Variants in PCDHGC4 observed in about 807,000 individuals in gnomAD.
The protein encoded by PCDHGC4 is protocadherin gamma subfamily C, 4.
A neutral mutation model predicts 59.7 loss-of-function variants in PCDHGC4; 15 were observed. The observed-to-expected ratio is 0.25, with a 90% confidence interval of 0.17 to 0.39. PCDHGC4 has a LOEUF of 0.39. Among genes scored for constraint, PCDHGC4 ranks in the 10% least tolerant of loss-of-function variants. The probability of loss-of-function intolerance (pLI) is 1.00; values close to 1 mark genes in which losing one functional copy is unlikely to be tolerated. For synonymous variants in PCDHGC4, 434 were observed against 481.4 expected, an observed-to-expected ratio of 0.90 and a Z score of 1.29; for missense variants, 1,016 against 1,189.5, an observed-to-expected ratio of 0.85 and a Z score of 2.15.
At position 141,511,247 on chromosome 5, in the gene PCDHGC4, C is replaced by A; in HGVS notation, c.*74C>A. The A allele has an allele frequency of 1.3e-6, 2 of 1,577,162 alleles. No individual in the cohort carries two copies. The highest frequency in any genetic ancestry group is 1.7e-6 in the Non-Finnish European group (2 of 1,161,712). On this transcript the variant is annotated 3_prime_UTR_variant, in exon 4 of 4. Transcript: ENST00000306593. Reference sequence around the variant, plus strand: ...CAGCTTCTCCTTACCTGCACCCAGGCCTCAGAGTTTCAGGGCTAACCCCCA... The same window carrying A: ...CAGCTTCTCCTTACCTGCACCCAGGACTCAGAGTTTCAGGGCTAACCCCCA...
rs1314264090 is a variant in PCDHGC4, at chr5:141,490,459, C to T, written c.2442+2844C>T. 7 of 1,614,100 alleles carry T rather than the reference C, an allele frequency of 4.3e-6. No homozygotes were observed. Among genetic ancestry groups the T allele is most frequent in the Non-Finnish European group, 5.9e-6 (7 of 1,180,040 alleles). ...GCCTTCTGAGAACCACTACTCGCTG[C>T]TAACCAGCCAGCCTTTGGACCGGGA... On this transcript the variant is annotated intron_variant, in intron 1 of 3. Coordinates refer to ENST00000306593, the MANE Select transcript of PCDHGC4 (RefSeq NM_018928.3). The surrounding 1 kb of genome is among the most constrained non-coding windows in gnomAD (Gnocchi z 5.4).
chr5:141,489,775 T>C lies in PCDHGC4; in HGVS notation c.2442+2160T>C, dbSNP rs748163008. The C allele has an allele frequency of 6.2e-7, 1 of 1,614,110 alleles. No homozygotes were observed. The highest frequency in any genetic ancestry group is 8.5e-7 in the Non-Finnish European group (1 of 1,179,986). Reference sequence around the variant, plus strand: ...CACTCTAAGCCCCAACAGCCACTTCTCTCTGAATGTGAAGACCCTAAAAGA... The same window carrying C: ...CACTCTAAGCCCCAACAGCCACTTCCCTCTGAATGTGAAGACCCTAAAAGA... On this transcript the variant is annotated intron_variant, in intron 1 of 3. Coordinates refer to ENST00000306593, the MANE Select transcript of PCDHGC4 (RefSeq NM_018928.3). This position sits in a 1 kb window ranked among gnomAD's most constrained non-coding sequence, Gnocchi z 4.5.
At chr5:141,496,888 T>TAA (rs35063790) in intron 2 of PCDHGC4, among the ~76,000 whole-genome samples, 141 of 134,106 alleles carry the variant, frequency 1.1e-3, no homozygotes, top group East Asian at 2.4e-3. Context: ...AAGTAACACT[T>TAA]AAAAAAAAAA....
chr5:141,503,075 G>A (rs1373753092), intron 2 of PCDHGC4, among the ~76,000 whole-genome samples: 1 of 151,438 alleles, frequency 6.6e-6, no homozygotes, highest in African/African-American at 2.4e-5. Context: ...GAATGGTCTC[G>A]ATCTCCTGAC....
intron 2 of PCDHGC4, among the ~76,000 whole-genome samples, chr5:141,504,451 G>A (rs2099838355): frequency 1.3e-5 from 2 of 152,070 alleles, no homozygotes; most frequent in South Asian, 4.2e-4. Context: ...CTAGTGCCAT[G>A]TGGGGCAGCC....
At chr5:141,498,419 G>A (rs78940285) in intron 2 of PCDHGC4, among the ~76,000 whole-genome samples, 4,023 of 152,260 alleles carry the variant, frequency 0.026, 75 homozygotes, top group Non-Finnish European at 0.043. Flanking sequence ...TGCTGGCACT[G>A]GAGTGAGGGG....
intron 2 of PCDHGC4, among the ~76,000 whole-genome samples, chr5:141,497,879 G>A (rs62379207): frequency 4.6e-4 from 70 of 152,244 alleles, no homozygotes; most frequent in Non-Finnish European, 8.2e-4. Flanking sequence ...TGAAATAAGC[G>A]TTAGGATCTA....
In PCDHGC4 at chr5:141,485,869, G is replaced by A; in HGVS notation, c.696G>A (p.Val232=). The change falls in exon 1 of 4, where the codon GTG becomes GTA. Residue 232 remains valine, a synonymous_variant. Coordinates refer to ENST00000306593, the MANE Select transcript of PCDHGC4 (RefSeq NM_018928.3). The surrounding 1 kb of genome is among the most constrained non-coding windows in gnomAD (Gnocchi z 5.7). ...RSGTAELRVS[V]LDVNDNAPAF... ...GCACCGCAGAGCTCCGGGTATCCGT[G>A]CTGGACGTAAACGACAACGCCCCAG... is the stretch of plus-strand genomic sequence containing the variant. 1 of 1,614,176 alleles carries A rather than the reference G, an allele frequency of 6.2e-7. No individual in the cohort carries two copies. The highest frequency in any genetic ancestry group is 8.5e-7 in the Non-Finnish European group (1 of 1,180,040).
In PCDHGC4 at chr5:141,487,906, AGCACAGGAGGCTACAGT is replaced by A. The variant is rs2099668744; in HGVS notation, c.2442+299_2442+315del. ...TGGAAGCATGATGATGGAATGTGGG[AGCACAGGAGGCTACAGT>A]GCACAGGGTACAGTGCACCAGGCAG... On this transcript the variant is annotated intron_variant, in intron 1 of 3. Coordinates refer to ENST00000306593, the MANE Select transcript of PCDHGC4 (RefSeq NM_018928.3). The surrounding 1 kb of genome is among the most constrained non-coding windows in gnomAD (Gnocchi z 5.0). The A allele has an allele frequency of 8.7e-6, 6 of 686,524 alleles. No homozygotes were observed. The East Asian group carries it at 1.6e-4, about 19-fold the overall frequency. The allele number at this position is 686,524 out of a possible 1,614,324, so 42.5% of individuals were successfully genotyped here.
At chr5:141,494,522 G>C (rs2099754911) in intron 1 of PCDHGC4, among the ~76,000 whole-genome samples, 1 of 152,196 alleles carries the variant, frequency 6.6e-6, no homozygotes, top group Non-Finnish European at 1.5e-5. Flanking sequence ...CAGGAGTTCT[G>C]ACTCTGGGGG....
chr5:141,510,291 A>AG (rs903726285), intron 3 of PCDHGC4, among the ~76,000 whole-genome samples: 1 of 150,450 alleles, frequency 6.6e-6, no homozygotes, highest in African/African-American at 2.4e-5. Context: ...AAAAAAAAAA[A>AG]TGCTGTTTTG....
At position 141,486,415 on chromosome 5, in the gene PCDHGC4, T is replaced by C. The variant is rs745877804; in HGVS notation, c.1242T>C (p.Asp414=). Residue 414 remains aspartate, a synonymous_variant, in exon 1 of 4, where the codon GAT becomes GAC. Transcript: ENST00000306593. The surrounding 1 kb of genome is among the most constrained non-coding windows in gnomAD (Gnocchi z 5.0). ...CCCTGGTGACTGCTGGACCCTTGGA[T>C]CGAGAGGCCAAATCTAGCTATGACA... ...QFSLVTAGPL[D]REAKSSYDIM... 6.2e-7 allele frequency: 1 copy of C among 1,614,176 alleles called. No individual in the cohort carries two copies. The highest frequency in any genetic ancestry group is 8.5e-7 in the Non-Finnish European group (1 of 1,180,022).
At chr5:141,496,310 A>G (rs1446146598) in intron 2 of PCDHGC4, among the ~76,000 whole-genome samples, 1 of 152,218 alleles carries the variant, frequency 6.6e-6, no homozygotes, top group East Asian at 1.9e-4. Context: ...GCTCTGCGCC[A>G]GGCCTCCCAG....
chr5:141,485,961 A>G lies in PCDHGC4; in HGVS notation c.788A>G (p.Gln263Arg). Reference sequence around the variant, plus strand: ...GCACCAGCGGGCATGGTGCTCATCCAGCTCAATGCCTCAGACCCGGACCTG... The same window carrying G: ...GCACCAGCGGGCATGGTGCTCATCCGGCTCAATGCCTCAGACCCGGACCTG... The part of the protein sequence containing the change: ...ESAPAGMVLI[Q>R]LNASDPDLGP... Residue 263 changes from glutamine to arginine, a missense_variant, in exon 1 of 4, where the codon CAG (glutamine) becomes CGG (arginine). Physicochemically the swap from Gln to Arg is conservative, Grantham distance 43. Coordinates refer to ENST00000306593, the MANE Select transcript of PCDHGC4 (RefSeq NM_018928.3). This position sits in a 1 kb window ranked among gnomAD's most constrained non-coding sequence, Gnocchi z 5.7. 1 of 1,614,204 alleles carries G rather than the reference A, an allele frequency of 6.2e-7. No individual in the cohort carries two copies. Among genetic ancestry groups the G allele is most frequent in the Non-Finnish European group, 8.5e-7 (1 of 1,180,028 alleles).
Position 141,511,303 on chromosome 5 carries a change from C to T in PCDHGC4, c.*130C>T, listed in dbSNP as rs2099883709. 2.7e-6 allele frequency: 4 copies of T among 1,490,160 alleles called. No homozygotes were observed. Among genetic ancestry groups the T allele is most frequent in the Non-Finnish European group, 3.6e-6 (4 of 1,116,196 alleles). 92.3% of individuals were successfully genotyped at this position (1,490,160 alleles called of 1,614,324 possible). ...CTGGTAGGGGCCAAGGCCATGCTCC[C>T]CTTGGGAAACAGAAACAAGTGCCCA... On this transcript the variant is annotated 3_prime_UTR_variant, in exon 4 of 4. Coordinates refer to ENST00000306593, the MANE Select transcript of PCDHGC4 (RefSeq NM_018928.3).
chr5:141,492,458 G>A (rs1333043781), intron 1 of PCDHGC4, among the ~76,000 whole-genome samples: 1 of 152,230 alleles, frequency 6.6e-6, no homozygotes, highest in Non-Finnish European at 1.5e-5. Flanking sequence ...GTGCGCGCCT[G>A]AGGGTCCCAG....
At chr5:141,505,151 G>T (rs2099844154) in intron 2 of PCDHGC4, among the ~76,000 whole-genome samples, 1 of 152,164 alleles carries the variant, frequency 6.6e-6, no homozygotes, top group Non-Finnish European at 1.5e-5. Context: ...GACAGAGTAA[G>T]ACCCTGTCTA....
rs141958687 is a variant in PCDHGC4 at position 141,509,744 on chromosome 5, G to A, written c.2591-1203G>A. 3.3e-3 allele frequency among the ~76,000 whole-genome samples: 509 copies of A among 152,266 alleles called. 3 individuals are homozygous for A. The highest frequency in any genetic ancestry group is 5.5e-3 in the Non-Finnish European group (372 of 68,024). On this transcript the variant is annotated intron_variant, in intron 3 of 3. Coordinates refer to ENST00000306593, the MANE Select transcript of PCDHGC4 (RefSeq NM_018928.3). ...CACCTAGCTGTGGCACTCTGAGCCT[G>A]TGCCTAAAGTGTCCCTGAGATGTCT...
chr5:141,499,635 A>C (rs578081078), intron 2 of PCDHGC4, among the ~76,000 whole-genome samples: 16 of 152,136 alleles, frequency 1.1e-4, no homozygotes, highest in African/African-American at 3.6e-4. Context: ...CTTTTGAAGC[A>C]AATCTCAGAC....
Sources: gnomAD v4.1 joint callset for allele counts (sites outside exome capture counted in the v4.1 genomes callset) on GRCh38, gnomAD v4.1.1 for gene constraint, Gnocchi (gnomAD v3.1) non-coding constraint, MANE v1.5 for transcripts, NCBI Gene and HGNC (gene_info 2026-07-23, HGNC 2026-07-21) for gene names.